The following CUL2 variants were observed in gnomAD, a reference collection of about 807,000 sequenced individuals.
CUL2 encodes cullin-2.
A neutral mutation model predicts 110.2 loss-of-function variants in CUL2; 22 were observed. That is an observed-to-expected ratio of 0.20 (90% CI 0.14 to 0.28). The LOEUF is 0.28. CUL2 is among the 10% of genes least tolerant of loss of function. CUL2 has a pLI of 1.00. For missense variants in CUL2, 631 were observed against 905.5 expected, an observed-to-expected ratio of 0.70 and a Z score of 3.89; for synonymous variants, 279 against 293.2, an observed-to-expected ratio of 0.95 and a Z score of 0.49.
At chr10:35,108,376 G>A (rs1183626118) in intron 1 of CUL2, among the ~76,000 whole-genome samples, 3 of 151,422 alleles carry the variant, frequency 2.0e-5, no homozygotes, top group Non-Finnish European at 4.4e-5. Flanking sequence ...AGGATCACCT[G>A]AGCCCAGGAG....
Position 35,062,961 on chromosome 10 carries a change from T to G in CUL2, c.221A>C (p.Lys74Thr). 1 of 1,536,692 alleles carries G rather than the reference T, an allele frequency of 6.5e-7. No homozygotes were observed. The highest frequency in any genetic ancestry group is 2.2e-5 in the East Asian group (1 of 44,478). The change falls in exon 3 of 21, where the codon AAG (lysine) becomes ACG (threonine). Residue 74 changes from lysine (K) to threonine (T), a missense_variant and splice_region_variant. By Grantham distance (78) the Lys-to-Thr change is moderately conservative. This residue lies in a region of CUL2 where 338 missense variants were observed against 442.5 expected (regional missense o/e 0.76). Coordinates refer to ENST00000374749, the MANE Select transcript of CUL2 (RefSeq NM_003591.4). ...FLENHVRHLH[K>T]RVLESEEQVL... The stretch of plus-strand genomic sequence containing the variant: ...TATCACGTATGTATCATTGCTTACC[T>G]TATGCAAATGCCGAACATGATTTTC...
intron 1 of CUL2, among the ~76,000 whole-genome samples, chr10:35,072,210 C>G (rs1162433957): frequency 2.0e-5 from 3 of 151,922 alleles, no homozygotes; most frequent in Non-Finnish European, 4.4e-5. Context: ...ATATAAAATT[C>G]ACATGACCTT....
intron 19 of CUL2, 96 bp from the exon 20 acceptor site, chr10:35,012,060 T>TG: frequency 2.8e-6 from 2 of 716,500 alleles, no homozygotes; most frequent in East Asian, 5.7e-5. Flanking sequence ...ATACTTTTTT[T>TG]TTTTTTTTTT....
intron 16 of CUL2, among the ~76,000 whole-genome samples, chr10:35,028,207 T>C (rs983533314): frequency 6.6e-6 from 1 of 152,220 alleles, no homozygotes; most frequent in African/African-American, 2.4e-5. Flanking sequence ...AAATAGTCTG[T>C]GCTACAATCT....
At chr10:35,081,631 T>C (rs1278917576) in intron 1 of CUL2, among the ~76,000 whole-genome samples, 1 of 152,120 alleles carries the variant, frequency 6.6e-6, no homozygotes, top group Non-Finnish European at 1.5e-5. Context: ...CAGTGGCCCA[T>C]ACCTACAATC....
intron 1 of CUL2, among the ~76,000 whole-genome samples, chr10:35,083,938 G>A (rs2087000150): frequency 6.6e-6 from 1 of 152,132 alleles, no homozygotes. Context: ...GAAAGACTAA[G>A]TCACTGAATT....
chr10:35,124,477 TAACA>T (rs964891002), intron 1 of CUL2, among the ~76,000 whole-genome samples: 8 of 149,778 alleles, frequency 5.3e-5, no homozygotes, highest in African/African-American at 1.7e-4. Context: ...TGGCAGGAAA[TAACA>T]AACAAATGGG....
chr10:35,116,455 T>C (rs577831022), intron 1 of CUL2, among the ~76,000 whole-genome samples: 1 of 152,278 alleles, frequency 6.6e-6, no homozygotes, highest in East Asian at 1.9e-4. Context: ...TAGTAAGAAA[T>C]AGATAAGCTG....
chr10:35,101,753 T>C (rs1589062344), intron 1 of CUL2, among the ~76,000 whole-genome samples: 1 of 152,326 alleles, frequency 6.6e-6, no homozygotes, highest in East Asian at 1.9e-4. Context: ...AATTAGAAGA[T>C]GTATTTCACC....
chr10:35,119,519 A>G (rs2087650242), intron 1 of CUL2, among the ~76,000 whole-genome samples: 1 of 151,986 alleles, frequency 6.6e-6, no homozygotes, highest in South Asian at 2.1e-4. Context: ...TGGTACTCAT[A>G]TCTAGGTATA....
intron 1 of CUL2, among the ~76,000 whole-genome samples, chr10:35,105,312 G>C (rs1456311634): frequency 1.3e-5 from 2 of 151,874 alleles, no homozygotes; most frequent in Non-Finnish European, 2.9e-5. Context: ...TGTAGTCCCA[G>C]CTACTCTGGA....
At chr10:35,116,606 T>C (rs1386594116) in intron 1 of CUL2, among the ~76,000 whole-genome samples, 1 of 152,146 alleles carries the variant, frequency 6.6e-6, no homozygotes, top group Admixed American at 6.6e-5. Context: ...GATGTAAGAA[T>C]ATGACTTTTG....
At chr10:35,102,591 A>C (rs1260269447) in intron 1 of CUL2, among the ~76,000 whole-genome samples, 1 of 151,372 alleles carries the variant, frequency 6.6e-6, no homozygotes, top group Non-Finnish European at 1.5e-5. Context: ...ATAAAAAATA[A>C]ATAAATTTAA....
chr10:35,097,167 G>A (rs1338824308), intron 2 of CUL2, among the ~76,000 whole-genome samples: 1 of 152,024 alleles, frequency 6.6e-6, no homozygotes, highest in Non-Finnish European at 1.5e-5. Flanking sequence ...GATTTACTGA[G>A]CACCAACTAA....
chr10:35,016,139 GA>G (rs1186531248), intron 18 of CUL2, 52 bp downstream of exon 18: 1 of 1,457,194 alleles, frequency 6.9e-7, no homozygotes, highest in Non-Finnish European at 9.5e-7. Context: ...AACATCTCAT[GA>G]AAAAGCTTTA....
chr10:35,044,801 C>A lies in CUL2; in HGVS notation c.574G>T (p.Glu192Ter). Residue 192 changes from glutamate (E) to a stop codon, truncating the protein, a stop_gained, in exon 7 of 21, where the codon GAA becomes TAA. Coordinates refer to ENST00000374749, the MANE Select transcript of CUL2 (RefSeq NM_003591.4). LOFTEE classifies it high-confidence loss of function. ...HGVINSFVHV[E>*]QYKKKFPLKF... ...AAGGGGAATTTTTTCTTATACTGTTCAACATGAACAAAGGAGTTAATAACC... is the reference window on the plus strand; with the variant it reads ...AAGGGGAATTTTTTCTTATACTGTTAAACATGAACAAAGGAGTTAATAACC... The A allele has an allele frequency of 1.9e-6, 3 of 1,613,042 alleles. No individual in the cohort carries two copies. The South Asian group carries it at 3.3e-5, about 18-fold the overall frequency.
intron 9 of CUL2, 141 bp downstream of exon 9, chr10:35,038,779 A>G: frequency 2.0e-6 from 1 of 489,262 alleles, no homozygotes; most frequent in Non-Finnish European, 3.4e-6. Context: ...CTTTCAAAAT[A>G]AAGTATTAAT....
intron 1 of CUL2, among the ~76,000 whole-genome samples, chr10:35,075,690 TCCA>T (rs2086802244): frequency 1.4e-5 from 2 of 145,808 alleles, no homozygotes; most frequent in African/African-American, 2.6e-5. Flanking sequence ...ACACGCACGC[TCCA>T]CATTTTTAAA....
chr10:35,051,179 G>A (rs1164853925), intron 5 of CUL2, among the ~76,000 whole-genome samples: 5 of 151,778 alleles, frequency 3.3e-5, no homozygotes, highest in Non-Finnish European at 7.4e-5. Context: ...GCGGGGCGTG[G>A]TGGCGGGTGC....
Sources: allele counts gnomAD v4.1 joint callset (sites outside exome capture counted in the v4.1 genomes callset), GRCh38; gene constraint gnomAD v4.1.1; regional missense constraint gnomAD v4.1.1; transcripts MANE v1.5; gene names NCBI Gene and HGNC (gene_info 2026-07-23, HGNC 2026-07-21).